The following CDH6 variants were observed in gnomAD, a reference collection of about 807,000 sequenced individuals.
The protein encoded by CDH6 is cadherin-6.
Under a neutral mutation model 78.0 loss-of-function variants are expected in CDH6, and 31 were observed. The ratio of observed to expected loss-of-function variants is 0.40; its 90% CI spans 0.30 to 0.54. The LOEUF (loss-of-function observed/expected upper bound fraction) is 0.54. CDH6 is among the 20% of genes least tolerant of loss of function. The probability of loss-of-function intolerance (pLI) is 0.56; values close to 1 mark genes in which losing one functional copy is unlikely to be tolerated. For missense variants in CDH6, 724 were observed against 975.9 expected (o/e 0.74, Z 3.44); for synonymous variants, 376 against 368.8 (o/e 1.02, Z -0.23).
chr5:31,265,923 C>T (rs549329481), intron 1 of CDH6, among the ~76,000 whole-genome samples: 7 of 151,492 alleles, frequency 4.6e-5, no homozygotes, highest in East Asian at 3.9e-4. Flanking sequence ...TACAGGTGCC[C>T]GCCACCACGC....
intron 1 of CDH6, among the ~76,000 whole-genome samples, chr5:31,245,544 GGGTTAAGA>G (rs1004322822): frequency 4.6e-5 from 7 of 152,102 alleles, no homozygotes; most frequent in African/African-American, 1.7e-4. Flanking sequence ...CAGCTCACGG[GGGTTAAGA>G]GGCTTGCTGG....
intron 1 of CDH6, among the ~76,000 whole-genome samples, chr5:31,255,747 T>A (rs1187084135): frequency 1.3e-5 from 2 of 152,244 alleles, no homozygotes; most frequent in African/African-American, 4.8e-5. Context: ...CTTTAAGTTA[T>A]TATACAAAAT....
In CDH6 at chr5:31,311,851, C is replaced by T. The variant is rs182790708; in HGVS notation, c.1254-1467C>T. On this transcript the variant is annotated intron_variant, in intron 7 of 11. Transcript: ENST00000265071. ...CCTTTGACACATGGGGATTACAATT[C>T]GAGATTAGATTTGGGTGGGGACACA... Among the ~76,000 whole-genome samples, 583 of 152,264 alleles carry T rather than the reference C, an allele frequency of 3.8e-3. 12 individuals carry two copies. Among genetic ancestry groups the T allele is most frequent in the Admixed American group, 0.025 (387 of 15,294 alleles).
chr5:31,232,489 C>T (rs80191229), intron 1 of CDH6, among the ~76,000 whole-genome samples: 4 of 152,264 alleles, frequency 2.6e-5, no homozygotes, highest in Admixed American at 6.5e-5. Context: ...AGTGGACATA[C>T]GTTTAATGCA....
intron 2 of CDH6, among the ~76,000 whole-genome samples, chr5:31,272,736 G>A (rs937757038): frequency 2.6e-5 from 4 of 152,074 alleles, no homozygotes; most frequent in Admixed American, 1.3e-4. Context: ...TCCACACAAT[G>A]TATACATAAG....
chr5:31,211,013 A>C (rs962504495), intron 1 of CDH6, among the ~76,000 whole-genome samples: 2 of 152,196 alleles, frequency 1.3e-5, no homozygotes, highest in Non-Finnish European at 2.9e-5. Context: ...GCAAAATGAC[A>C]ATTTAGAGCA....
intron 1 of CDH6, among the ~76,000 whole-genome samples, chr5:31,263,824 T>A (rs1389111094): frequency 1.3e-5 from 2 of 152,214 alleles, no homozygotes; most frequent in Non-Finnish European, 2.9e-5. Context: ...AATTCTTTTC[T>A]GATATAACAT....
intron 1 of CDH6, among the ~76,000 whole-genome samples, chr5:31,239,175 G>A (rs921013033): frequency 6.6e-6 from 1 of 152,162 alleles, no homozygotes; most frequent in African/African-American, 2.4e-5. Context: ...AAAATAGTAG[G>A]AGAATCATAG....
intron 8 of CDH6, 126 bp from the exon 9 acceptor site, chr5:31,316,081 GC>G (rs1310880581): frequency 2.1e-6 from 2 of 963,392 alleles, no homozygotes; most frequent in Non-Finnish European, 3.0e-6. Context: ...GGTACTTAAT[GC>G]CCAGTAGTAC....
At chr5:31,226,542 G>A (rs1408434627) in intron 1 of CDH6, among the ~76,000 whole-genome samples, 1 of 152,042 alleles carries the variant, frequency 6.6e-6, no homozygotes, top group Non-Finnish European at 1.5e-5. Flanking sequence ...TTCTTTTCTT[G>A]GAAGAGGAAC....
intron 1 of CDH6, among the ~76,000 whole-genome samples, chr5:31,248,727 G>GCACA (rs746979626): frequency 2.7e-5 from 4 of 149,070 alleles, no homozygotes; most frequent in Non-Finnish European, 6.0e-5. Flanking sequence ...AGCAAAACAT[G>GCACA]CACACACACA....
intron 1 of CDH6, chr5:31,249,421 G>C (rs1407880393): frequency 6.6e-6 from 1 of 152,156 alleles, no homozygotes; most frequent in Non-Finnish European, 1.5e-5. Context: ...AACTGATGTG[G>C]TGATGAAATG....
intron 8 of CDH6, among the ~76,000 whole-genome samples, chr5:31,314,905 T>C (rs1738271774): frequency 6.6e-6 from 1 of 152,192 alleles, no homozygotes; most frequent in Admixed American, 6.5e-5. Flanking sequence ...TCAGCTGCTC[T>C]AACTTTCAAA....
At chr5:31,211,409 A>AAAAAG (rs59913681) in intron 1 of CDH6, among the ~76,000 whole-genome samples, 8 of 151,322 alleles carry the variant, frequency 5.3e-5, no homozygotes, top group Non-Finnish European at 5.9e-5. Flanking sequence ...AAAAAAAAAA[A>AAAAAG]TGTTCTTCAA....
intron 4 of CDH6, among the ~76,000 whole-genome samples, chr5:31,298,240 G>T (rs1333421480): frequency 3.3e-5 from 5 of 152,070 alleles, no homozygotes; most frequent in Non-Finnish European, 5.9e-5. Flanking sequence ...TTATCATAAT[G>T]AGTCAATTTC....
intron 1 of CDH6, among the ~76,000 whole-genome samples, chr5:31,213,396 CTG>C (rs958190788): frequency 6.6e-6 from 1 of 152,098 alleles, no homozygotes; most frequent in Non-Finnish European, 1.5e-5. Flanking sequence ...TGTCTCTGTC[CTG>C]TGTGGAGCTC....
intron 11 of CDH6, among the ~76,000 whole-genome samples, chr5:31,321,739 A>C (rs1011389194): frequency 6.6e-6 from 1 of 152,208 alleles, no homozygotes; most frequent in Admixed American, 6.5e-5. Flanking sequence ...TTCAGTTTTC[A>C]TGTCTCATAA....
chr5:31,235,915 G>C (rs1741442230), intron 1 of CDH6, among the ~76,000 whole-genome samples: 1 of 151,976 alleles, frequency 6.6e-6, no homozygotes, highest in Non-Finnish European at 1.5e-5. Flanking sequence ...TGGACATTTT[G>C]AGACATTCAT....
chr5:31,298,904 T>C (rs1323278630), intron 4 of CDH6, among the ~76,000 whole-genome samples: 1 of 152,182 alleles, frequency 6.6e-6, no homozygotes, highest in Non-Finnish European at 1.5e-5. Flanking sequence ...TATGAGAGAA[T>C]TGATGTTCTA....
Sources: gnomAD v4.1 joint callset for allele counts (sites outside exome capture counted in the v4.1 genomes callset) on GRCh38, gnomAD v4.1.1 for gene constraint, MANE v1.5 for transcripts, NCBI Gene and HGNC (gene_info 2026-07-23, HGNC 2026-07-21) for gene names.